Variants in ALDH3B1 observed in about 807,000 individuals in gnomAD.
ALDH3B1 encodes aldehyde dehydrogenase 3 family member B1.
A neutral mutation model predicts 46.2 loss-of-function variants in ALDH3B1; 37 were observed. The ratio of observed to expected loss-of-function variants is 0.80; its 90% CI spans 0.62 to 1.05. The LOEUF is 1.05. Among genes scored for constraint, ALDH3B1 ranks in the 50% least tolerant of loss-of-function variants. The pLI is 0.00. For synonymous variants in ALDH3B1, 283 were observed against 281.0 expected (o/e 1.01, Z -0.07); for missense variants, 603 against 665.5 (o/e 0.91, Z 1.03).
intron 8 of ALDH3B1, chr11:68,025,130 G>C (rs1452116824): frequency 6.6e-6 from 1 of 152,166 alleles, no homozygotes; most frequent in Non-Finnish European, 1.5e-5. Flanking sequence ...ACTGATCCCA[G>C]GACACACAGT....
At chr11:68,011,827 G>A (rs940661419) in intron 1 of ALDH3B1, among the ~76,000 whole-genome samples, 6 of 152,138 alleles carry the variant, frequency 3.9e-5, no homozygotes, top group Non-Finnish European at 5.9e-5. Context: ...CCCTCCTCTG[G>A]TACATCCGTC....
intron 8 of ALDH3B1, 37 bp downstream of exon 8, chr11:68,022,798 C>T (rs370974852): frequency 3.1e-5 from 50 of 1,611,464 alleles, no homozygotes; most frequent in Middle Eastern, 1.7e-4. Context: ...GTCAGGAGCC[C>T]GCAGTGGGCA....
rs543304978 is a variant in ALDH3B1, at chr11:68,010,913, C to T, written c.-2+521C>T. ...CAAGAAAGGAGTGGCCAGCCAGCCC[C>T]GCCCCGCCTGCAGGAGGCACTTCTC... On this transcript the variant is annotated intron_variant, in intron 1 of 9. Transcript: ENST00000342456. Among the ~76,000 whole-genome samples, 274 of 152,292 alleles carry T rather than the reference C, an allele frequency of 1.8e-3. 2 individuals are homozygous for T. The highest frequency in any genetic ancestry group is 5.8e-3 in the African/African-American group (241 of 41,564).
chr11:68,016,814 C>G (rs1394494678), intron 2 of ALDH3B1: 1 of 152,508 alleles, frequency 6.6e-6, no homozygotes, highest in East Asian at 1.9e-4. Flanking sequence ...CGGCCGCCTG[C>G]CGGCCTTCAT....
At position 68,015,385 on chromosome 11, in the gene ALDH3B1, C is replaced by T. The variant is rs766284280; in HGVS notation, c.88C>T (p.Leu30Phe). ...TRPAEFRAAQ[L>F]QGLGRFLQEN... ...GCCAGCTGAGTTCCGGGCTGCGCAGCTCCAAGGCCTGGGCCGCTTCCTGCA... is the reference window on the plus strand; with the variant it reads ...GCCAGCTGAGTTCCGGGCTGCGCAGTTCCAAGGCCTGGGCCGCTTCCTGCA... The change falls in exon 2 of 10, where the codon CTC becomes TTC. Residue 30 changes from leucine (L) to phenylalanine (F), a missense_variant. Coordinates refer to ENST00000342456, the MANE Select transcript of ALDH3B1 (RefSeq NM_000694.4). 4 of 1,553,206 alleles carry T rather than the reference C, an allele frequency of 2.6e-6. No homozygotes were observed. The highest frequency in any genetic ancestry group is 1.4e-5 in the African/African-American group (1 of 73,258).
rs539676032 is a variant in ALDH3B1, at chr11:68,020,969, C to T, written c.563-516C>T. Among the ~76,000 whole-genome samples the T allele has an allele frequency of 7.2e-5, 11 of 152,218 alleles. No individual in the cohort carries two copies. The East Asian group carries it at 9.7e-4, about 13-fold the overall frequency. On this transcript the variant is annotated intron_variant, in intron 6 of 9. Coordinates refer to ENST00000342456, the MANE Select transcript of ALDH3B1 (RefSeq NM_000694.4). ...GGCCAAGCCAGGCAGGACATGGGGA[C>T]GCCTGCATCAGCCTGGGACAGTCCA...
At chr11:68,018,936 G>A (rs139354982) in intron 4 of ALDH3B1, 43 bp downstream of exon 4, 31 of 1,532,908 alleles carry the variant, frequency 2.0e-5, no homozygotes, top group African/African-American at 9.6e-5. Flanking sequence ...TTCTCCGCTC[G>A]AGGCCTCAGG....
At chr11:68,026,923 C>T (rs1456118142) in intron 9 of ALDH3B1, among the ~76,000 whole-genome samples, 1 of 152,098 alleles carries the variant, frequency 6.6e-6, no homozygotes, top group Admixed American at 6.5e-5. Flanking sequence ...CTAGCTGCCT[C>T]CCCAGCCCCA....
chr11:68,028,971 C>T lies in ALDH3B1; in HGVS notation c.*1032C>T, dbSNP rs1380611594. ...TCCTCCTGGGCCCCATCCACTCAGC[C>T]AAAGCAGAATGCAGGGTTTCCTGCC... is the stretch of plus-strand genomic sequence containing the variant. On this transcript the variant is annotated 3_prime_UTR_variant, in exon 10 of 10. Coordinates refer to ENST00000342456, the MANE Select transcript of ALDH3B1 (RefSeq NM_000694.4). The T allele has an allele frequency of 6.6e-6, 1 of 152,306 alleles. No individual in the cohort carries two copies. The allele number at this position is 152,306 out of a possible 1,614,324, so 9.4% of individuals were successfully genotyped here.
intron 6 of ALDH3B1, among the ~76,000 whole-genome samples, chr11:68,021,263 G>A (rs549633608): frequency 1.3e-5 from 2 of 152,300 alleles, no homozygotes; most frequent in Non-Finnish European, 2.9e-5. Flanking sequence ...GATAGCAGCC[G>A]TGCACCATTC....
chr11:68,018,967 G>A, intron 4 of ALDH3B1, 74 bp downstream of exon 4: 5 of 1,506,538 alleles, frequency 3.3e-6, no homozygotes, highest in African/African-American at 1.4e-5. Context: ...GATCCCAGGA[G>A]GACATGGGAG....
At chr11:68,025,924 C>G in intron 8 of ALDH3B1, 85 bp from the exon 9 acceptor site, 1 of 978,928 alleles carries the variant, frequency 1.0e-6, no homozygotes, top group Non-Finnish European at 1.4e-6. Flanking sequence ...ATCAGTGTCA[C>G]AGAGTCCAGC....
chr11:68,018,393 A>T, intron 2 of ALDH3B1, 134 bp from the exon 3 acceptor site: 1 of 741,058 alleles, frequency 1.3e-6, no homozygotes, highest in Non-Finnish European at 2.2e-6. Flanking sequence ...CGCACTGAAC[A>T]TGGAGTGAGT....
rs182842586 is a variant in ALDH3B1 at position 68,010,994 on chromosome 11, C to T, written c.-2+602C>T. On this transcript the variant is annotated intron_variant, in intron 1 of 9. Transcript: ENST00000342456. ...GAGGCTGTTCAGCCTCTTTGTGACC[C>T]GGGGCTGGGTTGGCCCGAGCCACCA... is the stretch of plus-strand genomic sequence containing the variant. 2.4e-3 allele frequency among the ~76,000 whole-genome samples: 372 copies of T among 152,306 alleles called. 2 individuals carry two copies. Among genetic ancestry groups the T allele is most frequent in the African/African-American group, 8.2e-3 (342 of 41,576 alleles).
intron 8 of ALDH3B1, chr11:68,024,105 C>T (rs1045890926): frequency 6.6e-6 from 1 of 152,250 alleles, no homozygotes; most frequent in African/African-American, 2.4e-5. Context: ...GCATTAATAA[C>T]CCTCTCAGCT....
At chr11:68,019,345 C>T in intron 5 of ALDH3B1, 90 bp downstream of exon 5, 1 of 1,141,406 alleles carries the variant, frequency 8.8e-7, no homozygotes, top group African/African-American at 1.5e-5. Context: ...TCAGTCAGAC[C>T]CGAGTCCCCA....
intron 5 of ALDH3B1, 128 bp from the exon 6 acceptor site, chr11:68,019,587 C>A: frequency 9.6e-7 from 1 of 1,042,616 alleles, no homozygotes; most frequent in East Asian, 2.4e-5. Context: ...CCACCCAACC[C>A]TCCTAGAGCC....
chr11:68,019,618 G>A (rs1316454159), intron 5 of ALDH3B1, 97 bp from the exon 6 acceptor site: 25 of 1,359,846 alleles, frequency 1.8e-5, no homozygotes, highest in East Asian at 9.2e-5. Flanking sequence ...CAGGCCAGGC[G>A]GGGTGGAGGC....
chr11:68,015,832 G>A (rs368350325), intron 2 of ALDH3B1: 7 of 367,574 alleles, frequency 1.9e-5, no homozygotes, highest in Admixed American at 3.6e-5. Flanking sequence ...TTGGGAGGCC[G>A]AGGTGGGCGG....
Sources: allele counts gnomAD v4.1 joint callset (sites outside exome capture counted in the v4.1 genomes callset), GRCh38; gene constraint gnomAD v4.1.1; transcripts MANE v1.5; gene names NCBI Gene and HGNC (gene_info 2026-07-23, HGNC 2026-07-21).